RERE: variants seen among roughly 807,000 people sequenced by gnomAD.
The protein encoded by RERE is arginine-glutamic acid dipeptide repeats, also known as arginine-glutamic acid dipeptide repeats protein.
Under a neutral mutation model 146.1 loss-of-function variants are expected in RERE, and 40 were observed. The observed-to-expected ratio is 0.27, with a 90% CI of 0.21 to 0.36. The LOEUF is 0.36. Among genes scored for constraint, RERE ranks in the 10% least tolerant of loss-of-function variants. The pLI, the probability that RERE is intolerant of heterozygous loss-of-function variation, is 1.00. For missense variants in RERE, 1,933 were observed against 2,138.7 expected (o/e 0.90, Z 1.90); for synonymous variants, 1,003 against 866.0 (o/e 1.16, Z -2.78).
At chr1:8,532,198 T>C (rs1557675634) in intron 7 of RERE, among the ~76,000 whole-genome samples, 1 of 152,248 alleles carries the variant, frequency 6.6e-6, no homozygotes, top group Non-Finnish European at 1.5e-5. Context: ...TTTACCTTGC[T>C]AGACTCCGTT....
chr1:8,667,001 A>G (rs1638590167), intron 1 of RERE, among the ~76,000 whole-genome samples: 1 of 152,242 alleles, frequency 6.6e-6, no homozygotes, highest in Non-Finnish European at 1.5e-5. Flanking sequence ...GTCAAATTCA[A>G]AGAGCAGCCT....
chr1:8,580,305 C>A (rs1267956464), intron 4 of RERE, among the ~76,000 whole-genome samples: 1 of 152,162 alleles, frequency 6.6e-6, no homozygotes, highest in African/African-American at 2.4e-5. Context: ...TCAGAGTCCA[C>A]AGCATAACCA....
intron 1 of RERE, among the ~76,000 whole-genome samples, chr1:8,738,448 A>G (rs2124498559): frequency 6.6e-6 from 1 of 151,990 alleles, no homozygotes; most frequent in South Asian, 2.1e-4. Flanking sequence ...AGCCTCCCAA[A>G]GTGCTGGGAT....
At chr1:8,587,976 ACT>A (rs1646446783) in intron 4 of RERE, among the ~76,000 whole-genome samples, 1 of 152,118 alleles carries the variant, frequency 6.6e-6, no homozygotes, top group African/African-American at 2.4e-5. Flanking sequence ...GCTTTGAAAC[ACT>A]CTGCGTGCAG....
intron 4 of RERE, among the ~76,000 whole-genome samples, chr1:8,609,012 G>A (rs951080809): frequency 5.9e-5 from 9 of 152,152 alleles, no homozygotes; most frequent in Admixed American, 2.6e-4. Flanking sequence ...GAGGTCAGGA[G>A]TTCAAGATCA....
rs1222580251 is a variant in RERE at position 8,817,516 on chromosome 1, G to C, written c.-501C>G. 1.3e-5 allele frequency: 2 copies of C among 151,260 alleles called. No individual in the cohort carries two copies. The highest frequency in any genetic ancestry group is 2.0e-4 in the East Asian group (1 of 5,122). The allele number at this position is 151,260 out of a possible 1,614,324, so 9.4% of individuals were successfully genotyped here. A position where few individuals can be genotyped will look rare whatever the true frequency, so the allele number is the denominator to read the frequency against. On this transcript the variant is annotated 5_prime_UTR_variant, in exon 1 of 23. Transcript: ENST00000400908. ...AGAGAAAATGAGGCAGAGACAATGTGGGGAGCGAGAGAGGGGAAAAGGACG... is the reference window on the plus strand; with the variant it reads ...AGAGAAAATGAGGCAGAGACAATGTCGGGAGCGAGAGAGGGGAAAAGGACG...
At chr1:8,453,045 T>A (rs1056651623) in intron 11 of RERE, among the ~76,000 whole-genome samples, 3 of 152,220 alleles carry the variant, frequency 2.0e-5, no homozygotes, top group Middle Eastern at 3.4e-3. Context: ...TCTACGTGGA[T>A]CATTTGAATG....
At chr1:8,739,573 G>A (rs558273061) in intron 1 of RERE, among the ~76,000 whole-genome samples, 2 of 152,072 alleles carry the variant, frequency 1.3e-5, no homozygotes, top group South Asian at 2.1e-4. Flanking sequence ...ACTAAACATC[G>A]TGCCAGCTGG....
At chr1:8,470,217 C>T (rs1314966377) in intron 10 of RERE, among the ~76,000 whole-genome samples, 5 of 152,156 alleles carry the variant, frequency 3.3e-5, no homozygotes, top group Non-Finnish European at 7.4e-5. Flanking sequence ...CACAAAGACA[C>T]ATCTGAGAAG....
intron 10 of RERE, among the ~76,000 whole-genome samples, chr1:8,478,036 A>T (rs550739581): frequency 6.6e-6 from 1 of 152,366 alleles, no homozygotes; most frequent in East Asian, 1.9e-4. Context: ...AAGGCCCTGG[A>T]GAGCCAGGAA....
chr1:8,617,342 T>TAAAAAAAAAAAAAAA (rs1557437745), intron 3 of RERE, among the ~76,000 whole-genome samples: 1 of 23,110 alleles, frequency 4.3e-5, no homozygotes. Flanking sequence ...AAACTCTGTC[T>TAAAAAAAAAAAAAAA]CAAAAAAAAA....
intron 4 of RERE, among the ~76,000 whole-genome samples, chr1:8,589,580 A>T (rs1258828440): frequency 2.6e-5 from 4 of 152,252 alleles, no homozygotes; most frequent in African/African-American, 9.6e-5. Context: ...TATCTAACTA[A>T]GTGCTAGGTC....
At chr1:8,502,354 G>C (rs1314949735) in intron 8 of RERE, among the ~76,000 whole-genome samples, 1 of 113,496 alleles carries the variant, frequency 8.8e-6, no homozygotes, top group Non-Finnish European at 1.8e-5. Context: ...TCAGCCCCCC[G>C]CCCGGCCAGC....
chr1:8,713,064 T>C (rs2124461137), intron 1 of RERE, among the ~76,000 whole-genome samples: 1 of 152,354 alleles, frequency 6.6e-6, no homozygotes, highest in East Asian at 1.9e-4. Context: ...ATAAGACTTG[T>C]TATAAAATCT....
intron 7 of RERE, chr1:8,526,159 C>G (rs1645567886): frequency 1.3e-6 from 1 of 777,162 alleles, no homozygotes; most frequent in South Asian, 5.8e-5. Flanking sequence ...CAGCCAACAG[C>G]AGGGAACTGA....
Position 8,356,233 on chromosome 1 carries a change from G to A in RERE, c.4353C>T (p.Pro1451=), listed in dbSNP as rs1013043718. Reference sequence around the variant, plus strand: ...TCAGGGGGTCGACCAGCGGGTGAACGGGGCCTGCTGAACCTAAGGAAAGGA... The same window carrying A: ...TCAGGGGGTCGACCAGCGGGTGAACAGGGCCTGCTGAACCTAAGGAAAGGA... ...QDPLHQGSAG[P]VHPLVDPLTA... is the part of the protein sequence containing the mutation. The change falls in exon 21 of 23, where the codon CCC becomes CCT. Residue 1451 remains proline, a synonymous_variant. Coordinates refer to ENST00000400908, the MANE Select transcript of RERE (RefSeq NM_001042681.2). This position sits in a 1 kb window ranked among gnomAD's most constrained non-coding sequence, Gnocchi z 5.2. 18 of 1,523,688 alleles carry A rather than the reference G, an allele frequency of 1.2e-5. No individual in the cohort carries two copies. The highest frequency in any genetic ancestry group is 1.5e-5 in the African/African-American group (1 of 68,384). The allele number at this position is 1,523,688 out of a possible 1,614,324, so 94.4% of individuals were successfully genotyped here.
At chr1:8,816,146 T>C (rs555659407) in intron 1 of RERE, among the ~76,000 whole-genome samples, 2 of 152,198 alleles carry the variant, frequency 1.3e-5, no homozygotes, top group Non-Finnish European at 2.9e-5. Flanking sequence ...AAAGCAATTA[T>C]GAAAACTGTT....
intron 11 of RERE, among the ~76,000 whole-genome samples, chr1:8,452,229 C>T (rs1484681727): frequency 1.3e-5 from 2 of 152,184 alleles, no homozygotes; most frequent in African/African-American, 4.8e-5. Flanking sequence ...CCTCAGCAGG[C>T]CCTGTGAGCC....
chr1:8,391,950 T>C (rs1191222036), intron 12 of RERE, among the ~76,000 whole-genome samples: 1 of 152,102 alleles, frequency 6.6e-6, no homozygotes, highest in East Asian at 1.9e-4. Context: ...TCGTTTGAAC[T>C]TGGGAGGCAG....
Sources: allele counts gnomAD v4.1 joint callset (sites outside exome capture counted in the v4.1 genomes callset), GRCh38; gene constraint gnomAD v4.1.1; non-coding constraint Gnocchi (gnomAD v3.1); transcripts MANE v1.5; gene names NCBI Gene and HGNC (gene_info 2026-07-23, HGNC 2026-07-21).